The following CLIP2 variants were observed in gnomAD, a reference collection of about 807,000 sequenced individuals.
CLIP2 encodes the protein CAP-Gly domain-containing linker protein 2.
CLIP2 carries 41 observed loss-of-function variants against 111.7 expected under a neutral mutation model. That is an observed-to-expected ratio of 0.37 (90% CI 0.29 to 0.48). The LOEUF (loss-of-function observed/expected upper bound fraction) is 0.48. Ranked by LOEUF, CLIP2 falls within the 20% of genes least tolerant of loss-of-function variation. The pLI is 0.99. For missense variants in CLIP2, 1,160 were observed against 1,422.1 expected (o/e 0.82, Z 2.96); for synonymous variants, 660 against 644.2 (o/e 1.02, Z -0.37).
At chr7:74,309,809 A>G (rs1177429986) in intron 1 of CLIP2, among the ~76,000 whole-genome samples, 1 of 144,710 alleles carries the variant, frequency 6.9e-6, no homozygotes, top group Non-Finnish European at 1.5e-5. Context: ...CCTGGGTGAC[A>G]GAGCGAGACT....
chr7:74,358,596 T>G (rs1160798417), intron 6 of CLIP2, among the ~76,000 whole-genome samples: 1 of 152,056 alleles, frequency 6.6e-6, no homozygotes, highest in Non-Finnish European at 1.5e-5. Context: ...ATTTTTTTCT[T>G]TTAGAGATAG....
At chr7:74,400,118 C>G (rs1791577468) in intron 14 of CLIP2, among the ~76,000 whole-genome samples, 1 of 149,242 alleles carries the variant, frequency 6.7e-6, no homozygotes, top group African/African-American at 2.5e-5. Context: ...CCACTGCACT[C>G]CAGCCTAGGT....
chr7:74,402,153 C>T (rs1319348004), intron 16 of CLIP2, among the ~76,000 whole-genome samples: 1 of 151,700 alleles, frequency 6.6e-6, no homozygotes, highest in Non-Finnish European at 1.5e-5. Flanking sequence ...CGGTGAAACC[C>T]CATCTCTACT....
At chr7:74,351,647 C>T (rs1483980907) in intron 3 of CLIP2, among the ~76,000 whole-genome samples, 4 of 151,818 alleles carry the variant, frequency 2.6e-5, no homozygotes, top group African/African-American at 9.7e-5. Flanking sequence ...ACCAGCCTGG[C>T]CAACATGGCG....
At chr7:74,396,458 TTATG>T (rs1169156291) in intron 13 of CLIP2, among the ~76,000 whole-genome samples, 1 of 103,940 alleles carries the variant, frequency 9.6e-6, no homozygotes, top group East Asian at 2.2e-4. Flanking sequence ...TGTTTTGGGG[TTATG>T]TGTGTGTGTG....
chr7:74,353,906 G>A lies in CLIP2; in HGVS notation c.705G>A (p.Val235=). The A allele has an allele frequency of 6.2e-7, 1 of 1,614,200 alleles. No homozygotes were observed. Among genetic ancestry groups the A allele is most frequent in the Non-Finnish European group, 8.5e-7 (1 of 1,180,036 alleles). ...VLVGGTKTGV[V]RYVGETDFAK... is the part of the protein sequence containing the mutation. ...TTGGCGGGACGAAGACTGGCGTGGT[G>A]CGGTACGTGGGGGAGACAGACTTTG... is the stretch of plus-strand genomic sequence containing the variant. The change falls in exon 4 of 17, where the codon GTG becomes GTA. Residue 235 remains valine, a synonymous_variant. Transcript: ENST00000223398.
intron 1 of CLIP2, among the ~76,000 whole-genome samples, chr7:74,292,627 A>G (rs978862520): frequency 4.6e-5 from 7 of 152,040 alleles, no homozygotes; most frequent in African/African-American, 1.7e-4. Context: ...ACCTCAAGTG[A>G]TCCGCCCACC....
At chr7:74,358,674 A>T (rs191562033) in intron 6 of CLIP2, among the ~76,000 whole-genome samples, 1 of 151,042 alleles carries the variant, frequency 6.6e-6, no homozygotes, top group Non-Finnish European at 1.5e-5. Context: ...GGTTCAAGTG[A>T]TCCTCCCACC....
chr7:74,323,177 C>G (rs1346660840), intron 2 of CLIP2, among the ~76,000 whole-genome samples: 9 of 151,684 alleles, frequency 5.9e-5, no homozygotes, highest in Admixed American at 5.3e-4. Flanking sequence ...GTGGCGTAAT[C>G]ATAGCTCACT....
intron 1 of CLIP2, among the ~76,000 whole-genome samples, chr7:74,296,034 T>A (rs1211104636): frequency 1.3e-5 from 2 of 150,632 alleles, no homozygotes; most frequent in African/African-American, 4.9e-5. Context: ...ATAATCAAGT[T>A]CAAATGAGGT....
At chr7:74,354,412 G>A (rs557213900) in intron 4 of CLIP2, among the ~76,000 whole-genome samples, 55 of 151,950 alleles carry the variant, frequency 3.6e-4, no homozygotes, top group Non-Finnish European at 5.9e-4. Flanking sequence ...TCAGGTGTTC[G>A]AGACCAGCCT....
At chr7:74,353,121 A>G (rs1166340888) in intron 3 of CLIP2, among the ~76,000 whole-genome samples, 1 of 152,108 alleles carries the variant, frequency 6.6e-6, no homozygotes, top group Non-Finnish European at 1.5e-5. Flanking sequence ...ATTGCACTCC[A>G]GCCTAGGCAA....
chr7:74,346,526 C>T (rs187437539), intron 3 of CLIP2, among the ~76,000 whole-genome samples: 25 of 152,168 alleles, frequency 1.6e-4, no homozygotes, highest in African/African-American at 5.3e-4. Flanking sequence ...AGTTCAAGAC[C>T]AGCCTGGCCA....
intron 3 of CLIP2, among the ~76,000 whole-genome samples, chr7:74,344,693 G>A (rs1789754558): frequency 6.6e-6 from 1 of 152,020 alleles, no homozygotes. Context: ...ATGAGCCACT[G>A]AGCCCAGCCT....
intron 1 of CLIP2, among the ~76,000 whole-genome samples, chr7:74,316,682 C>T (rs1554729180): frequency 1.3e-5 from 2 of 152,006 alleles, no homozygotes; most frequent in Admixed American, 6.6e-5. Flanking sequence ...GTGCCTCAAC[C>T]TCCCGAGTAG....
intron 1 of CLIP2, among the ~76,000 whole-genome samples, chr7:74,291,133 GT>G (rs1193016052): frequency 6.6e-6 from 1 of 152,202 alleles, no homozygotes; most frequent in Non-Finnish European, 1.5e-5. Flanking sequence ...ATGCATTCTT[GT>G]CTGCAGTGCC....
chr7:74,306,306 G>A (rs1397331100), intron 1 of CLIP2, among the ~76,000 whole-genome samples: 3 of 152,154 alleles, frequency 2.0e-5, no homozygotes, highest in Admixed American at 2.0e-4. Context: ...GTGGGCATGA[G>A]CACCCCAGCT....
At chr7:74,372,384 C>A in intron 8 of CLIP2, among the ~76,000 whole-genome samples, 1 of 122,524 alleles carries the variant, frequency 8.2e-6, no homozygotes, top group Non-Finnish European at 1.6e-5. Flanking sequence ...TGGGTTCTTG[C>A]ACTTTTAGCA....
rs541644726 is a variant in CLIP2 at position 74,304,991 on chromosome 7, G to A, written c.-67-12489G>A. Among the ~76,000 whole-genome samples, 392 of 150,764 alleles carry A rather than the reference G, an allele frequency of 2.6e-3. 2 individuals carry two copies. The highest frequency in any genetic ancestry group is 4.1e-3 in the Non-Finnish European group (277 of 67,516). ...ATGAATAAATAAATAAATAAATAAA[G>A]TCCCCAGTTACCCCACCCCAGTCCC... On this transcript the variant is annotated intron_variant, in intron 1 of 16. Transcript: ENST00000223398.
Sources: gnomAD v4.1 joint callset for allele counts (sites outside exome capture counted in the v4.1 genomes callset) on GRCh38, gnomAD v4.1.1 for gene constraint, MANE v1.5 for transcripts, NCBI Gene and HGNC (gene_info 2026-07-23, HGNC 2026-07-21) for gene names.